Variants in PLCB4 observed in about 807,000 individuals in gnomAD.
The protein encoded by PLCB4 is 1-phosphatidylinositol 4,5-bisphosphate phosphodiesterase beta-4.
Under a neutral mutation model 178.8 loss-of-function variants are expected in PLCB4, and 77 were observed. That is an observed-to-expected ratio of 0.43 (90% confidence interval 0.36 to 0.52). The LOEUF is 0.52. PLCB4 is among the 20% of genes least tolerant of loss of function. The probability of loss-of-function intolerance (pLI) is 0.00; values close to 1 mark genes in which losing one functional copy is unlikely to be tolerated. For missense variants in PLCB4, 1,024 were observed against 1,453.4 expected (o/e 0.70, Z 4.80); for synonymous variants, 496 against 490.8 (o/e 1.01, Z -0.14).
chr20:9,408,116 G>T, intron 22 of PLCB4, 58 bp downstream of exon 22: 1 of 1,407,352 alleles, frequency 7.1e-7, no homozygotes, highest in South Asian at 1.3e-5. Flanking sequence ...TTATGGTGCT[G>T]ATGAGCTTTT....
chr20:9,467,612 T>C (rs911600722), intron 35 of PLCB4, among the ~76,000 whole-genome samples: 7 of 152,194 alleles, frequency 4.6e-5, no homozygotes, highest in South Asian at 2.1e-4. Flanking sequence ...TTGGTGTTTG[T>C]TGAATGAATG....
intron 14 of PLCB4, among the ~76,000 whole-genome samples, chr20:9,386,048 C>T (rs2037617610): frequency 6.6e-6 from 1 of 152,152 alleles, no homozygotes; most frequent in Non-Finnish European, 1.5e-5. Flanking sequence ...AGGTCAGGAG[C>T]CGGAGACCAG....
intron 3 of PLCB4, among the ~76,000 whole-genome samples, chr20:9,299,248 T>C (rs2094676285): frequency 6.6e-6 from 1 of 152,072 alleles, no homozygotes; most frequent in African/African-American, 2.4e-5. Flanking sequence ...TTAAGACTAA[T>C]TTATATGAAA....
At chr20:9,154,106 A>C (rs2092739631) in intron 2 of PLCB4, among the ~76,000 whole-genome samples, 1 of 152,114 alleles carries the variant, frequency 6.6e-6, no homozygotes, top group Non-Finnish European at 1.5e-5. Flanking sequence ...CACTTGGGCA[A>C]AGTTCGGTTT....
chr20:9,180,536 T>C (rs1313324296), intron 2 of PLCB4, among the ~76,000 whole-genome samples: 1 of 152,192 alleles, frequency 6.6e-6, no homozygotes, highest in African/African-American at 2.4e-5. Context: ...CAGTTTAGCA[T>C]GGCTGGTGTT....
intron 34 of PLCB4, among the ~76,000 whole-genome samples, chr20:9,458,584 C>T (rs1353639646): frequency 2.0e-5 from 3 of 146,958 alleles, no homozygotes; most frequent in African/African-American, 5.5e-5. Flanking sequence ...CAGCAGGGGG[C>T]GTATGGCCTT....
At chr20:9,375,721 A>C (rs901014131) in intron 12 of PLCB4, among the ~76,000 whole-genome samples, 2 of 152,190 alleles carry the variant, frequency 1.3e-5, no homozygotes, top group African/African-American at 4.8e-5. Flanking sequence ...ACAAGGTCCT[A>C]GTCTCATTTG....
At chr20:9,093,530 G>A (rs917130553) in intron 1 of PLCB4, among the ~76,000 whole-genome samples, 2 of 152,020 alleles carry the variant, frequency 1.3e-5, no homozygotes, top group Non-Finnish European at 2.9e-5. Context: ...AGGAAAGCTT[G>A]CAAAAGAAAA....
chr20:9,257,463 A>G (rs2094248406), intron 3 of PLCB4, among the ~76,000 whole-genome samples: 2 of 152,208 alleles, frequency 1.3e-5, no homozygotes, highest in Non-Finnish European at 2.9e-5. Context: ...TTTATTGCCC[A>G]GATAAATCTT....
intron 33 of PLCB4, among the ~76,000 whole-genome samples, chr20:9,456,701 A>C (rs1198424590): frequency 6.6e-6 from 1 of 152,204 alleles, no homozygotes; most frequent in Non-Finnish European, 1.5e-5. Flanking sequence ...GAAGTGCTAG[A>C]TTTGATGCGA....
chr20:9,220,802 A>G (rs933172817), intron 3 of PLCB4, among the ~76,000 whole-genome samples: 1 of 152,126 alleles, frequency 6.6e-6, no homozygotes, highest in Admixed American at 6.5e-5. Context: ...TGTACCAGCT[A>G]TTAGCATATT....
At chr20:9,464,480 A>T (rs1161912648) in intron 35 of PLCB4, among the ~76,000 whole-genome samples, 1 of 152,194 alleles carries the variant, frequency 6.6e-6, no homozygotes, top group Non-Finnish European at 1.5e-5. Context: ...AAAAAAATCA[A>T]TGAATCCGGG....
intron 2 of PLCB4, among the ~76,000 whole-genome samples, chr20:9,202,787 T>A (rs1355895668): frequency 6.6e-6 from 1 of 152,058 alleles, no homozygotes; most frequent in Non-Finnish European, 1.5e-5. Context: ...GGAAACAGAA[T>A]CAGAGCAGGC....
At position 9,408,126 on chromosome 20, in the gene PLCB4, T is replaced by C; in HGVS notation, c.1789+68T>C. ...TTCTTTTATGGTGCTGATGAGCTTT[T>C]ATCTAATTTGTTGCCATTTTTCTTT... On this transcript the variant is annotated intron_variant, in intron 22 of 39. Transcript: ENST00000378473. 4 of 1,336,388 alleles carry C rather than the reference T, an allele frequency of 3.0e-6. No homozygotes were observed. In the South Asian group the frequency reaches 5.5e-5, roughly 18 times the overall value. The allele number at this position is 1,336,388 out of a possible 1,614,324, so 82.8% of individuals were successfully genotyped here.
At chr20:9,266,362 TAA>T (rs1377201218) in intron 3 of PLCB4, among the ~76,000 whole-genome samples, 1 of 152,216 alleles carries the variant, frequency 6.6e-6, no homozygotes, top group East Asian at 1.9e-4. Context: ...CTGTTCTAGA[TAA>T]AGATGTTAAG....
At chr20:9,207,716 A>G (rs1285168058) in intron 2 of PLCB4, among the ~76,000 whole-genome samples, 9 of 152,202 alleles carry the variant, frequency 5.9e-5, no homozygotes, top group African/African-American at 1.2e-4. Context: ...AAGGGATCCA[A>G]TCATGTTTCT....
intron 12 of PLCB4, among the ~76,000 whole-genome samples, chr20:9,376,375 G>A (rs1216463269): frequency 6.6e-6 from 1 of 152,164 alleles, no homozygotes; most frequent in Non-Finnish European, 1.5e-5. Flanking sequence ...GTGTGAGTGG[G>A]AAGAATATGA....
chr20:9,106,429 A>T (rs1250046702), intron 2 of PLCB4, among the ~76,000 whole-genome samples: 6 of 152,074 alleles, frequency 3.9e-5, no homozygotes, highest in African/African-American at 1.4e-4. Flanking sequence ...GAAGGGCCAT[A>T]TTTTCCCAGT....
chr20:9,194,934 C>G (rs945530150), intron 2 of PLCB4, among the ~76,000 whole-genome samples: 1 of 152,080 alleles, frequency 6.6e-6, no homozygotes, highest in Non-Finnish European at 1.5e-5. Context: ...TAGTGCCTCT[C>G]TTTTTGTGCA....
Sources: gnomAD v4.1 joint callset for allele counts (sites outside exome capture counted in the v4.1 genomes callset) on GRCh38, gnomAD v4.1.1 for gene constraint, MANE v1.5 for transcripts, NCBI Gene and HGNC (gene_info 2026-07-23, HGNC 2026-07-21) for gene names.